The following RBFOX1 variants were observed in gnomAD, a reference collection of about 807,000 sequenced individuals.
The protein encoded by RBFOX1 is RNA binding protein fox-1 homolog 1.
RBFOX1 carries 8 observed loss-of-function variants against 57.7 expected under a neutral mutation model. The ratio of observed to expected loss-of-function variants is 0.14; its 90% CI spans 0.08 to 0.25. RBFOX1 has a LOEUF of 0.25. Among genes scored for constraint, RBFOX1 ranks in the 10% least tolerant of loss-of-function variants. RBFOX1 has a pLI of 1.00. For synonymous variants in RBFOX1, 326 were observed against 222.4 expected, an observed-to-expected ratio of 1.47 and a Z score of -4.15; for missense variants, 611 against 548.5, an observed-to-expected ratio of 1.11 and a Z score of -1.14.
intron 2 of RBFOX1, among the ~76,000 whole-genome samples, chr16:5,486,529 C>G (rs1428827642): frequency 6.6e-6 from 1 of 152,222 alleles, no homozygotes; most frequent in African/African-American, 2.4e-5. Context: ...GCAGTGACAA[C>G]AGGCGTTTGG....
chr16:5,577,702 C>G lies in RBFOX1; in HGVS notation c.259-21200C>G, dbSNP rs190047952. Among the ~76,000 whole-genome samples, 1,009 of 152,208 alleles carry G rather than the reference C, an allele frequency of 6.6e-3. 5 individuals carry two copies. Among genetic ancestry groups the G allele is most frequent in the Admixed American group, 0.011 (162 of 15,280 alleles). ...ACTGTGCTGTACATTACATCATAGC[C>G]CCAGTGAGGTCTGGGGCAGTGTGCC... On this transcript the variant is annotated intron_variant, in intron 2 of 2. Coordinates refer to the RBFOX1 transcript ENST00000585867.
rs191107161 is a variant in RBFOX1, at chr16:5,826,181, A to G, written c.319-41122A>G. On this transcript the variant is annotated intron_variant, in intron 3 of 19. Coordinates refer to the RBFOX1 transcript ENST00000641259. ...ATAACATATTATTCTTATATGTTAT[A>G]TAATATTTCTTATAGTAATATTCCT... Among the ~76,000 whole-genome samples, 227 of 148,714 alleles carry G rather than the reference A, an allele frequency of 1.5e-3. 3 individuals carry two copies. The highest frequency in any genetic ancestry group is 1.3e-3 in the Non-Finnish European group (87 of 67,318).
chr16:5,587,796 CAG>C (rs933125438), intron 2 of RBFOX1, among the ~76,000 whole-genome samples: 1 of 152,186 alleles, frequency 6.6e-6, no homozygotes, highest in Admixed American at 6.5e-5. Context: ...AGAAAACAGC[CAG>C]AGAGTTCCTC....
intron 1 of RBFOX1, among the ~76,000 whole-genome samples, chr16:5,291,378 T>C (rs988030122): frequency 1.1e-4 from 16 of 148,308 alleles, no homozygotes; most frequent in African/African-American, 3.7e-4. Context: ...TTCTCCTGCC[T>C]CAGCCTCCCG....
chr16:6,884,198 T>G lies in RBFOX1; in HGVS notation c.-15-167859T>G, dbSNP rs573513837. Among the ~76,000 whole-genome samples the G allele has an allele frequency of 1.1e-3, 165 of 152,326 alleles. 1 individual carries two copies. Among genetic ancestry groups the G allele is most frequent in the Non-Finnish European group, 9.7e-4 (66 of 68,024 alleles). ...CCTTCTGCTCACAGGGCATGCTTCC[T>G]GGCTCATGTGCAGTCAGCCATGCTG... On this transcript the variant is annotated intron_variant, in intron 3 of 15. Transcript: ENST00000550418.
chr16:6,433,148 G>A (rs114800623), intron 2 of RBFOX1, among the ~76,000 whole-genome samples: 1,739 of 152,326 alleles, frequency 0.011, 30 homozygotes, highest in African/African-American at 0.032. Context: ...AGTTGATGCT[G>A]CCTTGGCCCC....
chr16:6,287,787 A>T (rs763353912), intron 1 of RBFOX1, among the ~76,000 whole-genome samples: 5 of 152,116 alleles, frequency 3.3e-5, no homozygotes, highest in Non-Finnish European at 7.4e-5. Flanking sequence ...AATTAAGAAC[A>T]TTTACCTATA....
chr16:5,575,626 T>G (rs2046426148), intron 2 of RBFOX1, among the ~76,000 whole-genome samples: 1 of 152,202 alleles, frequency 6.6e-6, no homozygotes, highest in Non-Finnish European at 1.5e-5. Flanking sequence ...GAAGCAAAGC[T>G]TCCAGAGGCG....
chr16:7,025,139 G>A (rs1006970610), intron 3 of RBFOX1, among the ~76,000 whole-genome samples: 2 of 152,186 alleles, frequency 1.3e-5, no homozygotes, highest in African/African-American at 2.4e-5. Flanking sequence ...TCCATAGACA[G>A]AACAGCCCTG....
intron 1 of RBFOX1, among the ~76,000 whole-genome samples, chr16:6,290,603 G>A (rs1018417401): frequency 1.1e-4 from 16 of 152,126 alleles, no homozygotes; most frequent in Admixed American, 7.9e-4. Context: ...ACAACATAGC[G>A]GTCATCCTAT....
chr16:6,713,947 A>G (rs1247037322), intron 3 of RBFOX1, among the ~76,000 whole-genome samples: 1 of 152,234 alleles, frequency 6.6e-6, no homozygotes, highest in Non-Finnish European at 1.5e-5. Flanking sequence ...ACCTGAGGCA[A>G]TAATTCACAT....
At chr16:6,263,122 GTGGGTTGAAA>G (rs1054032601) in intron 1 of RBFOX1, among the ~76,000 whole-genome samples, 4 of 152,198 alleles carry the variant, frequency 2.6e-5, no homozygotes, top group Admixed American at 2.6e-4. Context: ...GAGTGCGCCT[GTGGGTTGAAA>G]TGGGTTGAAA....
intron 3 of RBFOX1, among the ~76,000 whole-genome samples, chr16:5,723,016 C>A (rs1010421947): frequency 6.6e-6 from 1 of 152,224 alleles, no homozygotes; most frequent in African/African-American, 2.4e-5. Flanking sequence ...ATAAGGCTCT[C>A]AGTTGTGGTG....
At chr16:6,178,892 A>G (rs2097037642) in intron 1 of RBFOX1, among the ~76,000 whole-genome samples, 2 of 152,238 alleles carry the variant, frequency 1.3e-5, no homozygotes, top group African/African-American at 4.8e-5. Flanking sequence ...ACCAGCTCCC[A>G]TAGCTGAATA....
At chr16:6,483,352 G>A (rs868844438) in intron 2 of RBFOX1, 11 of 1,491,850 alleles carry the variant, frequency 7.4e-6, no homozygotes, top group Admixed American at 6.1e-5. Flanking sequence ...GTGCCAGGCA[G>A]CCCGGGCGAG....
intron 1 of RBFOX1, among the ~76,000 whole-genome samples, chr16:5,291,895 G>T (rs567184189): frequency 5.9e-5 from 9 of 151,320 alleles, no homozygotes; most frequent in Non-Finnish European, 1.3e-4. Context: ...GCATACTCAA[G>T]TGGGCCCTCC....
At chr16:6,191,539 A>T (rs1367391604) in intron 1 of RBFOX1, among the ~76,000 whole-genome samples, 2 of 152,202 alleles carry the variant, frequency 1.3e-5, no homozygotes, top group Admixed American at 6.5e-5. Context: ...TGAGTATACC[A>T]CTGAATGCAT....
intron 3 of RBFOX1, among the ~76,000 whole-genome samples, chr16:5,711,017 G>T (rs764908464): frequency 9.2e-4 from 140 of 152,306 alleles, no homozygotes; most frequent in Non-Finnish European, 1.2e-3. Flanking sequence ...TAAGTGGGAA[G>T]CACAAGGAGA....
chr16:5,989,880 A>ACACACACATACACC (rs33912010), intron 4 of RBFOX1, among the ~76,000 whole-genome samples: 1 of 127,210 alleles, frequency 7.9e-6, no homozygotes, highest in African/African-American at 2.9e-5. Context: ...ACACACACAC[A>ACACACACATACACC]CCACCCCTGT....
Sources: allele counts gnomAD v4.1 joint callset (sites outside exome capture counted in the v4.1 genomes callset), GRCh38; gene constraint gnomAD v4.1.1; transcripts MANE v1.5; gene names NCBI Gene and HGNC (gene_info 2026-07-23, HGNC 2026-07-21).